Variants in LPP observed in about 807,000 individuals in gnomAD.
LPP encodes lipoma-preferred partner.
In LPP, 38 loss-of-function variants were observed where a neutral mutation model predicts 60.4. That is an observed-to-expected ratio of 0.63 (90% confidence interval 0.49 to 0.83). The LOEUF is 0.83. LPP is among the 40% of genes least tolerant of loss of function. LPP has a pLI of 0.00. For synonymous variants in LPP, 328 were observed against 290.8 expected, an observed-to-expected ratio of 1.13 and a Z score of -1.30; for missense variants, 902 against 783.6, an observed-to-expected ratio of 1.15 and a Z score of -1.80.
intron 4 of LPP, among the ~76,000 whole-genome samples, chr3:188,415,883 A>G (rs1786136322): frequency 6.6e-6 from 1 of 152,136 alleles, no homozygotes; most frequent in Non-Finnish European, 1.5e-5. Context: ...ATGAATCTAT[A>G]CATGGGATAA....
chr3:188,597,688 G>A (rs1840256572), intron 6 of LPP, among the ~76,000 whole-genome samples: 1 of 152,040 alleles, frequency 6.6e-6, no homozygotes, highest in Non-Finnish European at 1.5e-5. Context: ...ATGGGGGATG[G>A]GAAGTGTGGG....
chr3:188,527,211 G>A (rs1036706152), intron 6 of LPP, among the ~76,000 whole-genome samples: 14 of 151,984 alleles, frequency 9.2e-5, no homozygotes, highest in Admixed American at 3.9e-4. Flanking sequence ...ATAGCTGTGC[G>A]TGGTGGCGCC....
intron 8 of LPP, among the ~76,000 whole-genome samples, chr3:188,757,515 G>C (rs1730665376): frequency 6.6e-6 from 1 of 152,200 alleles, no homozygotes; most frequent in African/African-American, 2.4e-5. Context: ...ACTTTTAGCT[G>C]CTTAGTAGAC....
intron 7 of LPP, among the ~76,000 whole-genome samples, chr3:188,635,837 GT>G (rs1848630436): frequency 6.6e-6 from 1 of 152,216 alleles, no homozygotes; most frequent in South Asian, 2.1e-4. Context: ...TGAATTTAGT[GT>G]TGGAGAAATT....
chr3:188,806,177 C>A (rs1007945801), intron 9 of LPP, among the ~76,000 whole-genome samples: 6 of 151,752 alleles, frequency 4.0e-5, no homozygotes, highest in African/African-American at 1.4e-4. Context: ...GATACTGAAA[C>A]TTTGAGCATA....
intron 5 of LPP, among the ~76,000 whole-genome samples, chr3:188,490,143 A>T (rs1262832174): frequency 2.0e-5 from 3 of 152,202 alleles, no homozygotes; most frequent in Non-Finnish European, 4.4e-5. Flanking sequence ...GCAAAGTCAG[A>T]GGAATGACCA....
intron 1 of LPP, chr3:188,178,416 T>C (rs886611062): frequency 6.6e-6 from 1 of 152,284 alleles, no homozygotes; most frequent in Non-Finnish European, 1.5e-5. Context: ...CTAAGCACCA[T>C]GCTGGTTGCT....
intron 6 of LPP, among the ~76,000 whole-genome samples, chr3:188,537,048 A>G (rs1281281121): frequency 5.3e-5 from 8 of 152,218 alleles, no homozygotes; most frequent in Admixed American, 5.2e-4. Flanking sequence ...CAATTTTTAT[A>G]AACAGCATCC....
chr3:188,657,823 C>A (rs1192749027), intron 7 of LPP, among the ~76,000 whole-genome samples: 1 of 152,174 alleles, frequency 6.6e-6, no homozygotes, highest in African/African-American at 2.4e-5. Flanking sequence ...TATGATAATA[C>A]TCTTACAGAT....
chr3:188,352,782 C>A lies in LPP; in HGVS notation c.-10+11063C>A, dbSNP rs2103025. Among the ~76,000 whole-genome samples, 2 of 151,894 alleles carry A rather than the reference C, an allele frequency of 1.3e-5. No individual in the cohort carries two copies. The highest frequency in any genetic ancestry group is 4.2e-4 in the South Asian group (2 of 4,818). On this transcript the variant is annotated intron_variant, in intron 3 of 11. Transcript: ENST00000617246. The surrounding 1 kb of genome is among the most constrained non-coding windows in gnomAD (Gnocchi z 4.4). Reference sequence around the variant, plus strand: ...CAGAGGGATGGGCTGGTGACACTGCCGTGCCTAGGAGTGGGCAGAGAAGGT... The same window carrying A: ...CAGAGGGATGGGCTGGTGACACTGCAGTGCCTAGGAGTGGGCAGAGAAGGT...
chr3:188,605,826 A>G (rs1842280605), intron 6 of LPP, among the ~76,000 whole-genome samples: 1 of 152,210 alleles, frequency 6.6e-6, no homozygotes, highest in Non-Finnish European at 1.5e-5. Flanking sequence ...ATCCAGAGAT[A>G]AAGATTAAAA....
intron 7 of LPP, among the ~76,000 whole-genome samples, chr3:188,674,085 G>A (rs1857497184): frequency 6.6e-6 from 1 of 151,962 alleles, no homozygotes; most frequent in African/African-American, 2.4e-5. Context: ...ATACTGCTGA[G>A]CCCTTGGCTT....
chr3:188,289,129 G>A (rs529293814), intron 2 of LPP, among the ~76,000 whole-genome samples: 1 of 152,128 alleles, frequency 6.6e-6, no homozygotes, highest in South Asian at 2.1e-4. Flanking sequence ...TCTAAGCTTT[G>A]AGAGGAGTTA....
At chr3:188,564,511 T>G (rs1579999308) in intron 6 of LPP, among the ~76,000 whole-genome samples, 1 of 151,968 alleles carries the variant, frequency 6.6e-6, no homozygotes, top group East Asian at 1.9e-4. Flanking sequence ...AACCATAATA[T>G]ACCAGGATGA....
chr3:188,836,960 C>A, intron 9 of LPP, among the ~76,000 whole-genome samples: 1 of 152,156 alleles, frequency 6.6e-6, no homozygotes, highest in East Asian at 1.9e-4. Context: ...ATATTTGCCT[C>A]ATTTATTGGC....
intron 7 of LPP, among the ~76,000 whole-genome samples, chr3:188,644,078 T>C (rs1850681165): frequency 6.6e-6 from 1 of 152,206 alleles, no homozygotes; most frequent in Admixed American, 6.5e-5. Flanking sequence ...CTCATGATCA[T>C]CATATTTTAA....
chr3:188,203,628 T>C, intron 1 of LPP, among the ~76,000 whole-genome samples: 1 of 123,566 alleles, frequency 8.1e-6, no homozygotes, highest in East Asian at 2.2e-4. Context: ...TATATATACA[T>C]ATCAAATATG....
chr3:188,577,749 CTTCGTTCCTTCG>C (rs758670525), intron 6 of LPP, among the ~76,000 whole-genome samples: 246 of 70,136 alleles, frequency 3.5e-3, no homozygotes, highest in African/African-American at 8.3e-3. Context: ...TCCTTTGTTC[CTTCGTTCCTTCG>C]TTCCTTCCTT....
At chr3:188,704,086 GC>G (rs1865004361) in intron 7 of LPP, among the ~76,000 whole-genome samples, 1 of 152,076 alleles carries the variant, frequency 6.6e-6, no homozygotes, top group Non-Finnish European at 1.5e-5. Context: ...TACTTTTCTA[GC>G]ACTCTCTGTG....
Sources: gnomAD v4.1 joint callset for allele counts (sites outside exome capture counted in the v4.1 genomes callset) on GRCh38, gnomAD v4.1.1 for gene constraint, Gnocchi (gnomAD v3.1) non-coding constraint, MANE v1.5 for transcripts, NCBI Gene and HGNC (gene_info 2026-07-23, HGNC 2026-07-21) for gene names.